NELL2: variants seen among roughly 807,000 people sequenced by gnomAD.
The protein encoded by NELL2 is neural EGFL like 2, also known as protein kinase C-binding protein NELL2.
A neutral mutation model predicts 109.6 loss-of-function variants in NELL2; 41 were observed. The observed-to-expected ratio is 0.37, with a 90% CI of 0.29 to 0.49. NELL2 has a LOEUF of 0.49. Ranked by LOEUF, NELL2 falls within the 20% of genes least tolerant of loss-of-function variation. The probability of loss-of-function intolerance (pLI) is 0.98; values close to 1 mark genes in which losing one functional copy is unlikely to be tolerated. For synonymous variants in NELL2, 355 were observed against 344.7 expected (o/e 1.03, Z -0.33); for missense variants, 900 against 1,008.3 (o/e 0.89, Z 1.45).
In NELL2 at chr12:44,508,953, T is replaced by C. The variant is rs367712742; in HGVS notation, c.2432A>G (p.Gln811Arg). 44 of 1,612,824 alleles carry C rather than the reference T, an allele frequency of 2.7e-5. No individual in the cohort carries two copies. The African/African-American group carries it at 5.6e-4, about 21-fold the overall frequency. Residue 811 changes from glutamine (Q) to arginine (R), a missense_variant, in exon 20 of 20, where the codon CAG becomes CGG. By Grantham distance (43) the Gln-to-Arg change is conservative. This residue lies in a region of NELL2 where 333 missense variants were observed against 432.3 expected (regional missense o/e 0.77). Transcript: ENST00000429094. ...NGHICCSVDP[Q>R]CLQEL ...TTAACTTCACAGTTCCTGAAGGCACTGTGGATCCACTGAGCAACAGATGTG... is the reference window on the plus strand; with the variant it reads ...TTAACTTCACAGTTCCTGAAGGCACCGTGGATCCACTGAGCAACAGATGTG...
chr12:44,766,190 C>G (rs1240928907), intron 9 of NELL2, among the ~76,000 whole-genome samples: 1 of 152,122 alleles, frequency 6.6e-6, no homozygotes, highest in Non-Finnish European at 1.5e-5. Flanking sequence ...ATACTAAGCT[C>G]CTATATCATT....
intron 9 of NELL2, among the ~76,000 whole-genome samples, chr12:44,770,680 T>C (rs1204305426): frequency 6.6e-6 from 1 of 152,192 alleles, no homozygotes; most frequent in Non-Finnish European, 1.5e-5. Flanking sequence ...TCTGAGGAAA[T>C]ACCACTTAAA....
chr12:44,711,217 T>C (rs762464661), intron 11 of NELL2, 75 bp downstream of exon 11: 314 of 1,091,702 alleles, frequency 2.9e-4, no homozygotes, highest in Non-Finnish European at 4.1e-4. Flanking sequence ...TATGAGAATT[T>C]CTACTTCATG....
Position 44,587,996 on chromosome 12 carries a change from A to G in NELL2, c.1663+19173T>C, listed in dbSNP as rs1316539431. 2.0e-5 allele frequency among the ~76,000 whole-genome samples: 3 copies of G among 151,912 alleles called. No homozygotes were observed. In the Admixed American group the frequency reaches 2.0e-4, roughly 10 times the overall value. ...GAAACCCCGTCTCTACTAAAAATAC[A>G]AAAAATTAGCCAGGCGTGGTGGCGG... On this transcript the variant is annotated intron_variant, in intron 15 of 19. Coordinates refer to ENST00000429094, the MANE Select transcript of NELL2 (RefSeq NM_001145108.2).
chr12:44,839,042 T>G (rs1944140537), intron 2 of NELL2, among the ~76,000 whole-genome samples: 1 of 152,148 alleles, frequency 6.6e-6, no homozygotes, highest in African/African-American at 2.4e-5. Context: ...GGGGTTTAAT[T>G]TTGTGCAACT....
chr12:44,621,543 G>A (rs1592221358), intron 13 of NELL2, among the ~76,000 whole-genome samples: 1 of 152,176 alleles, frequency 6.6e-6, no homozygotes, highest in Middle Eastern at 3.4e-3. Flanking sequence ...TATTTCGGCA[G>A]CAAAAATATG....
At chr12:44,905,791 T>C (rs1445272572) in intron 1 of NELL2, among the ~76,000 whole-genome samples, 1 of 152,024 alleles carries the variant, frequency 6.6e-6, no homozygotes, top group East Asian at 1.9e-4. Flanking sequence ...CCTATACAAA[T>C]ATTTTTCTTC....
Position 44,876,120 on chromosome 12 carries a change from G to C in NELL2, c.-251C>G. The C allele has an allele frequency of 7.6e-7, 1 of 1,316,366 alleles. No individual in the cohort carries two copies. The highest frequency in any genetic ancestry group is 9.7e-7 in the Non-Finnish European group (1 of 1,032,994). 81.5% of individuals were successfully genotyped at this position (1,316,366 alleles called of 1,614,324 possible). ...AGGGCCGAGGCGGCAGCGCGGCCCG[G>C]AGGGGGCCCGGAGGGAGGGGTCGGA... On this transcript the variant is annotated 5_prime_UTR_variant, in exon 1 of 20. Coordinates refer to ENST00000429094, the MANE Select transcript of NELL2 (RefSeq NM_001145108.2).
chr12:44,537,383 A>AATTAT (rs71093814), intron 15 of NELL2, among the ~76,000 whole-genome samples: 87,735 of 151,198 alleles, frequency 0.58, 25,538 homozygotes, highest in East Asian at 0.72. Flanking sequence ...AATAGACCCT[A>AATTAT]TACTTTAACA....
At chr12:44,856,141 C>T (rs1356762853) in intron 2 of NELL2, among the ~76,000 whole-genome samples, 2 of 152,210 alleles carry the variant, frequency 1.3e-5, no homozygotes, top group African/African-American at 4.8e-5. Flanking sequence ...AATGCAGAGA[C>T]TCAAGCCCCA....
chr12:44,612,548 A>G (rs1053632466), intron 13 of NELL2, among the ~76,000 whole-genome samples: 1 of 152,026 alleles, frequency 6.6e-6, no homozygotes, highest in East Asian at 1.9e-4. Context: ...AGCTTAGAAA[A>G]GAGCTGGATT....
At chr12:44,770,634 G>T (rs1430621862) in intron 9 of NELL2, among the ~76,000 whole-genome samples, 1 of 152,164 alleles carries the variant, frequency 6.6e-6, no homozygotes, top group African/African-American at 2.4e-5. Context: ...TCAACCAAAA[G>T]AATGATGATT....
intron 12 of NELL2, among the ~76,000 whole-genome samples, chr12:44,703,084 G>A (rs541588897): frequency 6.6e-6 from 1 of 152,228 alleles, no homozygotes; most frequent in Middle Eastern, 3.4e-3. Flanking sequence ...CCATACCTCA[G>A]GGAAATCATA....
At chr12:44,896,112 G>A (rs557852414) in intron 1 of NELL2, among the ~76,000 whole-genome samples, 18 of 152,266 alleles carry the variant, frequency 1.2e-4, no homozygotes, top group African/African-American at 3.9e-4. Context: ...GACCGGAAGA[G>A]GGGCTATCAG....
At chr12:44,652,847 C>T (rs952647514) in intron 13 of NELL2, among the ~76,000 whole-genome samples, 2 of 152,176 alleles carry the variant, frequency 1.3e-5, no homozygotes, top group African/African-American at 2.4e-5. Context: ...TGTTTCCTTG[C>T]CTTTTCCAGC....
chr12:44,907,862 A>G (rs1252283185), intron 1 of NELL2, among the ~76,000 whole-genome samples: 1 of 152,124 alleles, frequency 6.6e-6, no homozygotes, highest in Non-Finnish European at 1.5e-5. Flanking sequence ...TATAGTAAAC[A>G]AGTAAAATGT....
chr12:44,766,947 G>A (rs960879742), intron 9 of NELL2, among the ~76,000 whole-genome samples: 1 of 152,152 alleles, frequency 6.6e-6, no homozygotes, highest in African/African-American at 2.4e-5. Flanking sequence ...TTTATTCAAG[G>A]ATTTTAATAA....
rs938830601 is a variant in NELL2 at position 44,585,825 on chromosome 12, C to A, written c.1663+21344G>T. ...GTTACTGGTGTCTGGCGGCTGGGGG[C>A]AAGAGATGCTGCTAATCACTCTACA... On this transcript the variant is annotated intron_variant, in intron 15 of 19. Transcript: ENST00000429094. Among the ~76,000 whole-genome samples the A allele has an allele frequency of 1.3e-5, 2 of 151,472 alleles. 1 individual carries two copies. Among genetic ancestry groups the A allele is most frequent in the South Asian group, 4.2e-4 (2 of 4,802 alleles).
At chr12:44,654,711 T>C (rs901805850) in intron 13 of NELL2, among the ~76,000 whole-genome samples, 1 of 152,014 alleles carries the variant, frequency 6.6e-6, no homozygotes, top group African/African-American at 2.4e-5. Flanking sequence ...AGAAACTCTA[T>C]CTCAGGGCCC....
Sources: gnomAD v4.1 joint callset for allele counts (sites outside exome capture counted in the v4.1 genomes callset) on GRCh38, gnomAD v4.1.1 for gene constraint, gnomAD v4.1.1 regional missense constraint, MANE v1.5 for transcripts, NCBI Gene and HGNC (gene_info 2026-07-23, HGNC 2026-07-21) for gene names.